Variants in PRKACB observed in about 807,000 individuals in gnomAD.
PRKACB encodes cAMP-dependent protein kinase catalytic subunit beta.
A neutral mutation model predicts 51.4 loss-of-function variants in PRKACB; 16 were observed. The ratio of observed to expected loss-of-function variants is 0.31; its 90% CI spans 0.21 to 0.47. The LOEUF (loss-of-function observed/expected upper bound fraction) is 0.47, where lower values mean the gene tolerates loss of function less well. Ranked by LOEUF, PRKACB falls within the 20% of genes least tolerant of loss-of-function variation. The pLI is 1.00. For missense variants in PRKACB, 309 were observed against 464.5 expected (o/e 0.67, Z 3.08); for synonymous variants, 147 against 154.4 (o/e 0.95, Z 0.35).
At chr1:84,135,476 CA>C (rs1443912711) in intron 1 of PRKACB, among the ~76,000 whole-genome samples, 1 of 152,124 alleles carries the variant, frequency 6.6e-6, no homozygotes, top group African/African-American at 2.4e-5. Context: ...GCAAAATATA[CA>C]TTTTTTTCTT....
At chr1:84,172,176 G>A (rs115462777) in intron 1 of PRKACB, among the ~76,000 whole-genome samples, 162 of 151,652 alleles carry the variant, frequency 1.1e-3, no homozygotes, top group African/African-American at 2.4e-3. Flanking sequence ...TGTTACTGCC[G>A]AAGTTGATAC....
chr1:84,111,329 GAGTC>G (rs1485917231), intron 1 of PRKACB, among the ~76,000 whole-genome samples: 2 of 152,030 alleles, frequency 1.3e-5, no homozygotes, highest in Admixed American at 6.6e-5. Context: ...AACACAAAAT[GAGTC>G]TTTCTGTACT....
At chr1:84,148,815 G>A (rs1654466097) in intron 1 of PRKACB, among the ~76,000 whole-genome samples, 1 of 152,166 alleles carries the variant, frequency 6.6e-6, no homozygotes, top group Admixed American at 6.6e-5. Context: ...CATTCCATGA[G>A]CCATTTAGCA....
chr1:84,224,559 T>C (rs1368450732), intron 9 of PRKACB, among the ~76,000 whole-genome samples: 1 of 152,060 alleles, frequency 6.6e-6, no homozygotes, highest in Non-Finnish European at 1.5e-5. Context: ...CTCAGGCCAG[T>C]AGTGGGTGGG....
chr1:84,149,633 A>G (rs935889589), intron 1 of PRKACB, among the ~76,000 whole-genome samples: 1 of 152,190 alleles, frequency 6.6e-6, no homozygotes, highest in African/African-American at 2.4e-5. Context: ...TTGTTCTACA[A>G]TACTATTTTG....
In PRKACB at chr1:84,170,661, A is replaced by G. The variant is rs141083223; in HGVS notation, c.188-8516A>G. On this transcript the variant is annotated intron_variant, in intron 1 of 9. Coordinates refer to ENST00000370685, the MANE Select transcript of PRKACB (RefSeq NM_182948.4). ...TGTTCACAATCCAAAAACAAAATAC[A>G]CACACACTTACACACATACTGCAAA... 5.3e-4 allele frequency among the ~76,000 whole-genome samples: 81 copies of G among 151,826 alleles called. 1 individual carries two copies. In the East Asian group the frequency reaches 0.015, roughly 28 times the overall value.
At chr1:84,158,519 G>A (rs1363466060) in intron 1 of PRKACB, among the ~76,000 whole-genome samples, 4 of 151,868 alleles carry the variant, frequency 2.6e-5, no homozygotes, top group East Asian at 1.9e-4. Context: ...AAATTGAGTC[G>A]TTTTTCTTCT....
At chr1:84,180,476 G>T (rs1663049279) in intron 2 of PRKACB, among the ~76,000 whole-genome samples, 2 of 151,286 alleles carry the variant, frequency 1.3e-5, no homozygotes, top group South Asian at 4.2e-4. Flanking sequence ...AGTGTATACT[G>T]CTCAAGTAAT....
intron 8 of PRKACB, 96 bp downstream of exon 8, chr1:84,202,901 A>C (rs1005938395): frequency 4.1e-5 from 44 of 1,076,450 alleles, no homozygotes; most frequent in Non-Finnish European, 5.4e-5. Context: ...ATTATTCTAC[A>C]TTGGGAAAAA....
chr1:84,100,535 A>T (rs1411219004), intron 1 of PRKACB, among the ~76,000 whole-genome samples: 1 of 152,214 alleles, frequency 6.6e-6, no homozygotes, highest in East Asian at 1.9e-4. Flanking sequence ...AGAAGATAAG[A>T]TCACACATTT....
At chr1:84,197,917 A>AT in intron 7 of PRKACB, 93 bp downstream of exon 7, 1 of 848,638 alleles carries the variant, frequency 1.2e-6, no homozygotes, top group Non-Finnish European at 1.8e-6. Context: ...CTAATTTTAC[A>AT]TTTTTAATTT....
At chr1:84,180,984 AAATT>A (rs765042736) in intron 2 of PRKACB, among the ~76,000 whole-genome samples, 29 of 152,036 alleles carry the variant, frequency 1.9e-4, no homozygotes, top group African/African-American at 5.1e-4. Flanking sequence ...AATATTAATT[AAATT>A]AATTCAGTCA....
upstream of PRKACB, among the ~76,000 whole-genome samples, chr1:84,143,931 G>GA (rs1301021629): frequency 3.3e-5 from 5 of 151,932 alleles, no homozygotes; most frequent in Non-Finnish European, 7.4e-5. Context: ...TGATTTCCTA[G>GA]AAAAAATACA....
At chr1:84,094,060 GT>G (rs988051220) in intron 1 of PRKACB, among the ~76,000 whole-genome samples, 2 of 151,902 alleles carry the variant, frequency 1.3e-5, no homozygotes, top group African/African-American at 4.8e-5. Context: ...GACAGTGTAA[GT>G]TTTTTCCTTT....
At chr1:84,199,103 ATG>A (rs1435660134) in intron 7 of PRKACB, among the ~76,000 whole-genome samples, 1 of 136,522 alleles carries the variant, frequency 7.3e-6, no homozygotes, top group Non-Finnish European at 1.5e-5. Flanking sequence ...ATATGCATAT[ATG>A]TATATATATG....
chr1:84,200,004 C>A (rs1026729136), intron 7 of PRKACB, among the ~76,000 whole-genome samples: 1 of 151,954 alleles, frequency 6.6e-6, no homozygotes, highest in Non-Finnish European at 1.5e-5. Flanking sequence ...CACTACAACA[C>A]CTGGTTAATT....
Position 84,181,650 on chromosome 1 carries a change from A to G in PRKACB, c.250-550A>G, listed in dbSNP as rs994441685. On this transcript the variant is annotated intron_variant, in intron 2 of 9. Coordinates refer to ENST00000370685, the MANE Select transcript of PRKACB (RefSeq NM_182948.4). Reference sequence around the variant, plus strand: ...TATAATATAAAGAGAGAAAGCCACTAGGCTCTCTCATGCTGCTACTATCTA... The same window carrying G: ...TATAATATAAAGAGAGAAAGCCACTGGGCTCTCTCATGCTGCTACTATCTA... The G allele has an allele frequency of 4.1e-6, 6 of 1,464,152 alleles. No homozygotes were observed. The Admixed American group carries it at 9.4e-5, about 23-fold the overall frequency. The allele number at this position is 1,464,152 out of a possible 1,614,324, so 90.7% of individuals were successfully genotyped here.
At chr1:84,108,030 TATTC>T (rs1649924653) in intron 1 of PRKACB, among the ~76,000 whole-genome samples, 1 of 152,176 alleles carries the variant, frequency 6.6e-6, no homozygotes, top group Non-Finnish European at 1.5e-5. Context: ...TTCACTTGTT[TATTC>T]ATTGCAGCAC....
intron 1 of PRKACB, among the ~76,000 whole-genome samples, chr1:84,177,323 G>A (rs1455465425): frequency 6.6e-6 from 1 of 152,042 alleles, no homozygotes; most frequent in Non-Finnish European, 1.5e-5. Flanking sequence ...AATGCCATGT[G>A]CAGATATGTC....
Sources: allele counts gnomAD v4.1 joint callset (sites outside exome capture counted in the v4.1 genomes callset), GRCh38; gene constraint gnomAD v4.1.1; transcripts MANE v1.5; gene names NCBI Gene and HGNC (gene_info 2026-07-23, HGNC 2026-07-21).